RARB: variants seen among roughly 807,000 people sequenced by gnomAD.
RARB encodes HBV-activated protein.
In RARB, 17 loss-of-function variants were observed where a neutral mutation model predicts 51.9. The observed-to-expected ratio is 0.33, with a 90% CI of 0.22 to 0.49. The LOEUF (loss-of-function observed/expected upper bound fraction) is 0.49. RARB is among the 20% of genes least tolerant of loss of function. The pLI is 0.99. For missense variants in RARB, 369 were observed against 550.8 expected (o/e 0.67, Z 3.30); for synonymous variants, 215 against 195.4 (o/e 1.10, Z -0.84).
intron 2 of RARB, among the ~76,000 whole-genome samples, chr3:24,876,191 C>G (rs1418032233): frequency 6.6e-6 from 1 of 152,118 alleles, no homozygotes; most frequent in African/African-American, 2.4e-5. Flanking sequence ...TCTGAAGTTA[C>G]ATTTTTCTCA....
chr3:25,012,912 TTC>T (rs1197139314), intron 2 of RARB, among the ~76,000 whole-genome samples: 4 of 152,106 alleles, frequency 2.6e-5, no homozygotes, highest in Non-Finnish European at 4.4e-5. Context: ...TTAGAATAGT[TTC>T]TGACACCAAA....
chr3:25,069,029 A>C (rs977109675), intron 3 of RARB, among the ~76,000 whole-genome samples: 2 of 151,710 alleles, frequency 1.3e-5, no homozygotes, highest in Non-Finnish European at 2.9e-5. Context: ...AAAAAAACAC[A>C]CACACACCTC....
intron 5 of RARB, among the ~76,000 whole-genome samples, chr3:25,249,978 G>T (rs902390085): frequency 4.3e-5 from 3 of 69,830 alleles, no homozygotes; most frequent in Admixed American, 3.3e-4. Flanking sequence ...ACAGTGGTGG[G>T]CTCGGTGGGT....
At chr3:25,133,278 T>C (rs4542987) in intron 4 of RARB, among the ~76,000 whole-genome samples, 87,435 of 151,752 alleles carry the variant, frequency 0.58, 25,498 homozygotes, top group East Asian at 0.7. Context: ...GAATCACTGA[T>C]TATTTTCCCT....
chr3:25,395,204 T>C (rs1575368858), intron 5 of RARB, among the ~76,000 whole-genome samples: 1 of 152,212 alleles, frequency 6.6e-6, no homozygotes, highest in Non-Finnish European at 1.5e-5. Context: ...ATAATTGTTT[T>C]GTTTAAGGAC....
At chr3:25,224,441 C>T (rs1435880337) in intron 5 of RARB, among the ~76,000 whole-genome samples, 7 of 152,102 alleles carry the variant, frequency 4.6e-5, no homozygotes, top group Non-Finnish European at 1.0e-4. Context: ...GTACTGGAAG[C>T]AGACCAAGCC....
intron 2 of RARB, among the ~76,000 whole-genome samples, chr3:25,001,147 C>A (rs76248430): frequency 0.023 from 3,505 of 152,014 alleles, 106 homozygotes; most frequent in East Asian, 0.12. Flanking sequence ...GAATAAGGGA[C>A]AAATTAATCA....
intron 4 of RARB, among the ~76,000 whole-genome samples, chr3:25,173,053 T>C (rs1379121853): frequency 1.3e-5 from 2 of 152,194 alleles, no homozygotes; most frequent in Admixed American, 6.5e-5. Flanking sequence ...TTGTGCCACA[T>C]GAATACATTC....
chr3:25,249,955 G>A (rs1702669611), intron 5 of RARB, among the ~76,000 whole-genome samples: 1 of 152,176 alleles, frequency 6.6e-6, no homozygotes, highest in Non-Finnish European at 1.5e-5. Flanking sequence ...GGCTTTCTCT[G>A]GTGCTGATAG....
rs554468914 is a variant in RARB at position 25,238,545 on chromosome 3, T to C, written c.178+63970T>C. Among the ~76,000 whole-genome samples the C allele has an allele frequency of 3.3e-5, 5 of 152,342 alleles. 1 individual carries two copies. Among genetic ancestry groups the C allele is most frequent in the African/African-American group, 1.2e-4 (5 of 41,580 alleles). ...ACCCAGGAATGGAATTGCTGGATTGTATAGTAGTTGCATTTTTAGTTTTTT... is the reference window on the plus strand; with the variant it reads ...ACCCAGGAATGGAATTGCTGGATTGCATAGTAGTTGCATTTTTAGTTTTTT... On this transcript the variant is annotated intron_variant, in intron 5 of 11. Coordinates refer to the RARB transcript ENST00000383772.
chr3:25,212,473 C>A (rs1701721323), intron 5 of RARB, among the ~76,000 whole-genome samples: 1 of 152,136 alleles, frequency 6.6e-6, no homozygotes, highest in African/African-American at 2.4e-5. Flanking sequence ...CAAAAATTAG[C>A]CAAGCATGGT....
chr3:24,992,607 T>C (rs1696936432), intron 2 of RARB, among the ~76,000 whole-genome samples: 1 of 152,334 alleles, frequency 6.6e-6, no homozygotes, highest in Middle Eastern at 3.4e-3. Context: ...TTTCTCACAA[T>C]TCTGAATCTT....
chr3:24,840,539 A>G (rs906085305), intron 1 of RARB, among the ~76,000 whole-genome samples: 1 of 152,118 alleles, frequency 6.6e-6, no homozygotes, highest in African/African-American at 2.4e-5. Context: ...CAGCTAAACC[A>G]TGTATATGGA....
chr3:25,044,383 A>G (rs1698173012), intron 2 of RARB, among the ~76,000 whole-genome samples: 2 of 152,154 alleles, frequency 1.3e-5, no homozygotes, highest in Admixed American at 1.3e-4. Context: ...AGCGCCTAGC[A>G]CTCTACCAAA....
intron 2 of RARB, among the ~76,000 whole-genome samples, chr3:24,892,369 A>T (rs1478660174): frequency 6.6e-6 from 1 of 152,100 alleles, no homozygotes; most frequent in Non-Finnish European, 1.5e-5. Flanking sequence ...ATCACTAAAG[A>T]CTGGGTAAAG....
intron 2 of RARB, among the ~76,000 whole-genome samples, chr3:25,474,650 A>G (rs1165743663): frequency 1.3e-5 from 2 of 152,198 alleles, no homozygotes; most frequent in Non-Finnish European, 2.9e-5. Context: ...ATGCTTGAAT[A>G]TCTTTTAGTA....
chr3:24,852,745 C>G (rs1046202031), intron 1 of RARB, among the ~76,000 whole-genome samples: 1 of 152,134 alleles, frequency 6.6e-6, no homozygotes, highest in Admixed American at 6.5e-5. Flanking sequence ...AGGATCCAGA[C>G]ATAAACGACA....
intron 2 of RARB, among the ~76,000 whole-genome samples, chr3:24,869,942 T>G (rs1702917087): frequency 1.3e-5 from 2 of 152,078 alleles, no homozygotes; most frequent in Non-Finnish European, 2.9e-5. Context: ...TTTCCGTACT[T>G]AGTATGGAAA....
intron 2 of RARB, among the ~76,000 whole-genome samples, chr3:24,997,838 C>G (rs1023325603): frequency 6.6e-6 from 1 of 152,040 alleles, no homozygotes; most frequent in Non-Finnish European, 1.5e-5. Context: ...GTATAACAGT[C>G]TACATATATG....
Sources: allele counts gnomAD v4.1 joint callset (sites outside exome capture counted in the v4.1 genomes callset), GRCh38; gene constraint gnomAD v4.1.1; transcripts MANE v1.5; gene names NCBI Gene and HGNC (gene_info 2026-07-23, HGNC 2026-07-21).